Variants in SLC39A11 observed in about 807,000 individuals in gnomAD.
SLC39A11 encodes zinc transporter ZIP11.
A neutral mutation model predicts 36.1 loss-of-function variants in SLC39A11; 33 were observed. That is an observed-to-expected ratio of 0.91 (90% CI 0.69 to 1.22). The LOEUF is 1.22. Among genes scored for constraint, SLC39A11 ranks in the 50% most tolerant of loss-of-function variants. The pLI, the probability that SLC39A11 is intolerant of heterozygous loss-of-function variation, is 0.00. For synonymous variants in SLC39A11, 166 were observed against 170.3 expected, an observed-to-expected ratio of 0.97 and a Z score of 0.20; for missense variants, 432 against 430.3, an observed-to-expected ratio of 1.00 and a Z score of -0.03.
intron 4 of SLC39A11, among the ~76,000 whole-genome samples, chr17:72,958,877 AAAG>A (rs1477050812): frequency 6.6e-6 from 1 of 151,944 alleles, no homozygotes; most frequent in Non-Finnish European, 1.5e-5. Flanking sequence ...AAAAAAAAAA[AAAG>A]AAGATACACA....
intron 7 of SLC39A11, among the ~76,000 whole-genome samples, chr17:72,703,631 A>G (rs953732428): frequency 6.6e-6 from 1 of 152,210 alleles, no homozygotes; most frequent in African/African-American, 2.4e-5. Context: ...TGAAGTCCAG[A>G]CAGATTCAGT....
intron 6 of SLC39A11, among the ~76,000 whole-genome samples, chr17:72,791,389 T>C (rs2076698007): frequency 6.6e-6 from 1 of 152,104 alleles, no homozygotes; most frequent in African/African-American, 2.4e-5. Context: ...GAGGCAGAGA[T>C]TGCAGTGAGC....
At chr17:73,057,814 G>A (rs2059716892) in intron 3 of SLC39A11, among the ~76,000 whole-genome samples, 1 of 152,174 alleles carries the variant, frequency 6.6e-6, no homozygotes. Context: ...GTAGGTGCCT[G>A]TAGTCCCAGC....
chr17:72,689,980 C>A (rs1342340408), intron 7 of SLC39A11, among the ~76,000 whole-genome samples: 3 of 152,188 alleles, frequency 2.0e-5, no homozygotes, highest in Admixed American at 2.0e-4. Flanking sequence ...AAGAAAGCCT[C>A]CTCTCCACCG....
At chr17:72,857,518 TG>T (rs2079709487) in intron 5 of SLC39A11, among the ~76,000 whole-genome samples, 1 of 152,216 alleles carries the variant, frequency 6.6e-6, no homozygotes, top group South Asian at 2.1e-4. Flanking sequence ...ATTGCTGGGT[TG>T]AACAGTAGTT....
intron 7 of SLC39A11, among the ~76,000 whole-genome samples, chr17:72,701,511 T>G (rs895430436): frequency 1.3e-5 from 2 of 152,050 alleles, no homozygotes; most frequent in East Asian, 3.9e-4. Flanking sequence ...GGCAGATACC[T>G]GAGGTCAGGA....
intron 5 of SLC39A11, among the ~76,000 whole-genome samples, chr17:72,892,702 A>G (rs1598302523): frequency 6.6e-6 from 1 of 152,228 alleles, no homozygotes; most frequent in East Asian, 1.9e-4. Context: ...TCTAGGTGAG[A>G]TAACACAACG....
At chr17:73,081,731 A>G (rs1403731895) in intron 3 of SLC39A11, among the ~76,000 whole-genome samples, 3 of 126,448 alleles carry the variant, frequency 2.4e-5, no homozygotes, top group Non-Finnish European at 5.3e-5. Flanking sequence ...GTATATATGT[A>G]TGTATATATA....
At chr17:72,698,970 A>G (rs930536818) in intron 7 of SLC39A11, among the ~76,000 whole-genome samples, 7 of 152,136 alleles carry the variant, frequency 4.6e-5, no homozygotes, top group Non-Finnish European at 1.0e-4. Flanking sequence ...AGCTGGGACT[A>G]CAGGCGCCCG....
At chr17:72,745,135 C>T (rs1040632875) in intron 6 of SLC39A11, among the ~76,000 whole-genome samples, 1 of 152,234 alleles carries the variant, frequency 6.6e-6, no homozygotes, top group Non-Finnish European at 1.5e-5. Context: ...AGCCACTGCA[C>T]CTGGCCTCAC....
chr17:72,763,024 C>A (rs568989897), intron 6 of SLC39A11, among the ~76,000 whole-genome samples: 1 of 152,270 alleles, frequency 6.6e-6, no homozygotes, highest in East Asian at 1.9e-4. Flanking sequence ...AATTGGCTGC[C>A]ATGGGGTGGA....
intron 4 of SLC39A11, among the ~76,000 whole-genome samples, chr17:72,964,423 G>A (rs940806867): frequency 6.6e-6 from 1 of 151,938 alleles, no homozygotes; most frequent in Admixed American, 6.6e-5. Flanking sequence ...GAGATGTAAG[G>A]GTATAAATGA....
intron 6 of SLC39A11, among the ~76,000 whole-genome samples, chr17:72,786,188 A>G (rs2076508161): frequency 6.6e-6 from 1 of 152,228 alleles, no homozygotes; most frequent in African/African-American, 2.4e-5. Flanking sequence ...CCCAGCTGGA[A>G]TCTGATGGAA....
chr17:72,728,762 C>CCAA (rs1567993284), intron 7 of SLC39A11, among the ~76,000 whole-genome samples: 1 of 152,154 alleles, frequency 6.6e-6, no homozygotes, highest in Non-Finnish European at 1.5e-5. Flanking sequence ...TACCCTGGGC[C>CCAA]TGTACTGGGT....
intron 5 of SLC39A11, among the ~76,000 whole-genome samples, chr17:72,851,089 T>C (rs991714402): frequency 6.6e-6 from 1 of 151,964 alleles, no homozygotes; most frequent in Non-Finnish European, 1.5e-5. Flanking sequence ...TGGGAAACCA[T>C]GCAGCTAGAC....
At chr17:72,865,227 A>G (rs946002006) in intron 5 of SLC39A11, among the ~76,000 whole-genome samples, 1 of 152,090 alleles carries the variant, frequency 6.6e-6, no homozygotes, top group Non-Finnish European at 1.5e-5. Context: ...TACTGTCCAC[A>G]TGGAGGTAAA....
chr17:72,963,315 C>A (rs939819693), intron 4 of SLC39A11, among the ~76,000 whole-genome samples: 1 of 151,732 alleles, frequency 6.6e-6, no homozygotes, highest in African/African-American at 2.4e-5. Flanking sequence ...GGACTACAGG[C>A]GCCCGCCACC....
intron 7 of SLC39A11, among the ~76,000 whole-genome samples, chr17:72,720,014 G>T (rs1025050898): frequency 1.3e-5 from 2 of 152,352 alleles, no homozygotes; most frequent in South Asian, 2.1e-4. Context: ...AAGGGAAGCA[G>T]CTCGTGTGCT....
intron 5 of SLC39A11, among the ~76,000 whole-genome samples, chr17:72,905,308 T>C (rs1415538515): frequency 2.1e-5 from 3 of 145,122 alleles, no homozygotes; most frequent in Non-Finnish European, 4.5e-5. Flanking sequence ...TTTTAAATAG[T>C]GTCTAGGCCA....
Sources: allele counts gnomAD v4.1 joint callset (sites outside exome capture counted in the v4.1 genomes callset), GRCh38; gene constraint gnomAD v4.1.1; transcripts MANE v1.5; gene names NCBI Gene and HGNC (gene_info 2026-07-23, HGNC 2026-07-21).